Variants in RGS6 observed in about 807,000 individuals in gnomAD.
RGS6 encodes regulator of G protein signaling 6.
RGS6 carries 30 observed loss-of-function variants against 78.5 expected under a neutral mutation model. That is an observed-to-expected ratio of 0.38 (90% CI 0.29 to 0.52). The LOEUF is 0.52. RGS6 is among the 20% of genes least tolerant of loss of function. RGS6 has a pLI of 0.85. For missense variants in RGS6, 495 were observed against 609.7 expected, an observed-to-expected ratio of 0.81 and a Z score of 1.98; for synonymous variants, 206 against 206.0, an observed-to-expected ratio of 1.00 and a Z score of 0.00.
At chr14:72,373,726 GA>G (rs2083997554) in intron 3 of RGS6, among the ~76,000 whole-genome samples, 1 of 152,078 alleles carries the variant, frequency 6.6e-6, no homozygotes, top group Non-Finnish European at 1.5e-5. Flanking sequence ...AGTCTCCCTA[GA>G]AAATTCCTAA....
At chr14:72,281,321 G>T (rs889491322) in intron 2 of RGS6, among the ~76,000 whole-genome samples, 1 of 151,850 alleles carries the variant, frequency 6.6e-6, no homozygotes, top group Non-Finnish European at 1.5e-5. Flanking sequence ...GCTAATTTTT[G>T]TATTTTTAGT....
chr14:72,266,627 G>C (rs1305386163), intron 2 of RGS6, among the ~76,000 whole-genome samples: 1 of 152,210 alleles, frequency 6.6e-6, no homozygotes, highest in Non-Finnish European at 1.5e-5. Flanking sequence ...AGGAAAGAAA[G>C]TTTCCATCTC....
intron 13 of RGS6, among the ~76,000 whole-genome samples, chr14:72,496,848 GTACAT>G (rs1377968488): frequency 6.6e-6 from 1 of 151,814 alleles, no homozygotes; most frequent in African/African-American, 2.4e-5. Flanking sequence ...ACCCAAATAT[GTACAT>G]ATATATATAT....
chr14:72,001,277 G>C (rs2083368497), intron 2 of RGS6, among the ~76,000 whole-genome samples: 1 of 152,152 alleles, frequency 6.6e-6, no homozygotes, highest in South Asian at 2.1e-4. Flanking sequence ...TTACACATTT[G>C]TGGAATATGA....
the RGS6 span, among the ~76,000 whole-genome samples, chr14:71,897,178 GTTTA>G: frequency 1.3e-5 from 2 of 152,244 alleles, no homozygotes; most frequent in African/African-American, 4.8e-5. Context: ...GTAGATAATT[GTTTA>G]TTGAATCAAT....
At chr14:72,014,517 A>AG (rs1268719440) in intron 2 of RGS6, among the ~76,000 whole-genome samples, 1 of 152,214 alleles carries the variant, frequency 6.6e-6, no homozygotes, top group Non-Finnish European at 1.5e-5. Flanking sequence ...GCAACAACTG[A>AG]GGTGGGTGAT....
intron 1 of RGS6, among the ~76,000 whole-genome samples, chr14:71,939,365 A>G (rs567204769): frequency 9.3e-4 from 142 of 152,326 alleles, no homozygotes; most frequent in Non-Finnish European, 1.5e-3. Flanking sequence ...CAGTAAGTCC[A>G]GTGTGTTTGC....
chr14:72,249,064 A>C (rs931040075), intron 2 of RGS6, among the ~76,000 whole-genome samples: 4 of 152,224 alleles, frequency 2.6e-5, no homozygotes, highest in Non-Finnish European at 5.9e-5. Context: ...CCTGTAACAA[A>C]AGGTAGATTA....
chr14:72,279,291 C>T (rs1405597810), intron 2 of RGS6, among the ~76,000 whole-genome samples: 2 of 152,070 alleles, frequency 1.3e-5, no homozygotes, highest in African/African-American at 2.4e-5. Flanking sequence ...CATCTCTCAT[C>T]ATGGAGCTAA....
intron 12 of RGS6, among the ~76,000 whole-genome samples, chr14:72,481,934 C>T (rs2096388906): frequency 6.6e-6 from 1 of 151,194 alleles, no homozygotes; most frequent in Admixed American, 6.6e-5. Flanking sequence ...TCAGCCTCCT[C>T]AGTAGCTGGG....
chr14:72,239,923 T>A (rs2052317885), intron 2 of RGS6, among the ~76,000 whole-genome samples: 1 of 152,158 alleles, frequency 6.6e-6, no homozygotes, highest in African/African-American at 2.4e-5. Flanking sequence ...ATAAACACCA[T>A]TTGGGATCTT....
chr14:72,584,910 G>A, the RGS6 span, among the ~76,000 whole-genome samples: 5 of 152,190 alleles, frequency 3.3e-5, no homozygotes, highest in Admixed American at 1.3e-4. Context: ...GCTGAGCTGT[G>A]TCTGGAGGAT....
intron 3 of RGS6, among the ~76,000 whole-genome samples, chr14:72,431,746 A>T (rs536920962): frequency 1.3e-5 from 2 of 152,096 alleles, no homozygotes; most frequent in African/African-American, 4.8e-5. Flanking sequence ...TGCACCCATC[A>T]CCAGGCCCCC....
intron 3 of RGS6, among the ~76,000 whole-genome samples, chr14:72,412,360 G>A (rs1244901807): frequency 2.6e-5 from 4 of 152,146 alleles, no homozygotes; most frequent in Admixed American, 1.3e-4. Flanking sequence ...GCATAGAGGC[G>A]TTTATAGTAT....
intron 2 of RGS6, among the ~76,000 whole-genome samples, chr14:72,251,942 T>C (rs184007685): frequency 1.3e-5 from 2 of 152,376 alleles, no homozygotes; most frequent in East Asian, 3.9e-4. Flanking sequence ...CTAATGACTA[T>C]TAGCCAAGTG....
chr14:71,964,194 C>G (rs1216557238), intron 1 of RGS6, among the ~76,000 whole-genome samples: 2 of 152,216 alleles, frequency 1.3e-5, no homozygotes, highest in South Asian at 4.1e-4. Context: ...TTGGCTTCAA[C>G]TGTCTTCAGG....
At chr14:72,203,792 T>C (rs2042101543) in intron 2 of RGS6, among the ~76,000 whole-genome samples, 2 of 150,900 alleles carry the variant, frequency 1.3e-5, no homozygotes, top group South Asian at 2.1e-4. Flanking sequence ...ATACACAACA[T>C]TATTTGCTAT....
intron 2 of RGS6, among the ~76,000 whole-genome samples, chr14:72,030,732 A>C (rs1241718444): frequency 6.6e-6 from 1 of 152,230 alleles, no homozygotes; most frequent in Non-Finnish European, 1.5e-5. Flanking sequence ...TTGTGTTAAC[A>C]ATATCATTAT....
At chr14:71,971,934 T>TAA (rs1566934475) in intron 2 of RGS6, among the ~76,000 whole-genome samples, 4 of 81,776 alleles carry the variant, frequency 4.9e-5, no homozygotes, top group Non-Finnish European at 1.0e-4. Flanking sequence ...TTTTTTTTTT[T>TAA]ATCAGAGTGA....
Sources: gnomAD v4.1 joint callset for allele counts (sites outside exome capture counted in the v4.1 genomes callset) on GRCh38, gnomAD v4.1.1 for gene constraint, MANE v1.5 for transcripts, NCBI Gene and HGNC (gene_info 2026-07-23, HGNC 2026-07-21) for gene names.